AGBL1: variants seen among roughly 807,000 people sequenced by gnomAD.
AGBL1 encodes AGBL carboxypeptidase 1, also known as cytosolic carboxypeptidase 4.
A neutral mutation model predicts 118.9 loss-of-function variants in AGBL1; 130 were observed. The observed-to-expected ratio is 1.09, with a 90% CI of 0.95 to 1.26. AGBL1 has a LOEUF of 1.26. AGBL1 is among the 50% of genes most tolerant of loss of function. The pLI, the probability that AGBL1 is intolerant of heterozygous loss-of-function variation, is 0.00. For missense variants in AGBL1, 1,584 were observed against 1,298.1 expected (o/e 1.22, Z -3.38); for synonymous variants, 555 against 478.9 (o/e 1.16, Z -2.08).
chr15:86,169,152 T>C (rs2077381008), intron 5 of AGBL1, among the ~76,000 whole-genome samples: 2 of 152,048 alleles, frequency 1.3e-5, no homozygotes, highest in Non-Finnish European at 2.9e-5. Context: ...AAAGAAACAG[T>C]TGGGAGACAG....
intron 23 of AGBL1, among the ~76,000 whole-genome samples, chr15:86,952,850 T>G (rs1357192474): frequency 2.0e-5 from 3 of 152,186 alleles, no homozygotes; most frequent in African/African-American, 7.2e-5. Flanking sequence ...TTCAGTTAAT[T>G]TTTGTATATA....
chr15:86,473,437 A>G (rs1468054601), intron 18 of AGBL1, among the ~76,000 whole-genome samples: 1 of 152,236 alleles, frequency 6.6e-6, no homozygotes, highest in African/African-American at 2.4e-5. Flanking sequence ...GAAAAGCACA[A>G]AGAAGAAAAT....
chr15:86,470,164 GT>G (rs1320746455), intron 18 of AGBL1, among the ~76,000 whole-genome samples: 2 of 152,060 alleles, frequency 1.3e-5, no homozygotes, highest in Non-Finnish European at 2.9e-5. Context: ...ATGTTAATAA[GT>G]TTTTGCCTAT....
intron 22 of AGBL1, among the ~76,000 whole-genome samples, chr15:86,831,140 A>T (rs1252550165): frequency 6.6e-6 from 1 of 152,034 alleles, no homozygotes; most frequent in Admixed American, 6.6e-5. Flanking sequence ...CATGGGAAAA[A>T]CCTGCCCGCA....
At chr15:86,233,702 G>A (rs916465041) in intron 6 of AGBL1, among the ~76,000 whole-genome samples, 1 of 152,202 alleles carries the variant, frequency 6.6e-6, no homozygotes, top group Non-Finnish European at 1.5e-5. Flanking sequence ...ACTATGCAGT[G>A]GCAAGAAGGA....
At chr15:86,967,757 C>T (rs754131146) in intron 23 of AGBL1, among the ~76,000 whole-genome samples, 30 of 152,018 alleles carry the variant, frequency 2.0e-4, no homozygotes, top group Non-Finnish European at 4.0e-4. Flanking sequence ...AGTTACGTAG[C>T]ATGATGCCTC....
chr15:86,918,614 T>C (rs1341037964), downstream of AGBL1, among the ~76,000 whole-genome samples: 2 of 152,126 alleles, frequency 1.3e-5, no homozygotes, highest in South Asian at 2.1e-4. Context: ...GCCTGTTTTC[T>C]CCCCCACGTA....
intron 1 of AGBL1, among the ~76,000 whole-genome samples, chr15:86,120,027 C>A (rs1897999702): frequency 1.3e-5 from 2 of 152,156 alleles, no homozygotes; most frequent in African/African-American, 4.8e-5. Context: ...TCTACTCATT[C>A]ATTCAAGTAC....
At chr15:86,232,219 G>A (rs963968462) in intron 6 of AGBL1, among the ~76,000 whole-genome samples, 2 of 152,182 alleles carry the variant, frequency 1.3e-5, no homozygotes, top group Non-Finnish European at 2.9e-5. Context: ...TTAAGCTAAA[G>A]GGATACTACC....
chr15:86,395,891 T>A (rs2141988082), intron 17 of AGBL1, among the ~76,000 whole-genome samples: 1 of 152,158 alleles, frequency 6.6e-6, no homozygotes, highest in Middle Eastern at 3.4e-3. Flanking sequence ...TCAAAAGATA[T>A]TCAATTTTTT....
chr15:86,369,356 G>A (rs56903278), intron 17 of AGBL1, among the ~76,000 whole-genome samples: 37,073 of 152,052 alleles, frequency 0.24, 5,313 homozygotes, highest in East Asian at 0.65. Context: ...CAGATGCATT[G>A]TAAATACATA....
At chr15:86,219,748 C>G (rs768822955) in intron 5 of AGBL1, among the ~76,000 whole-genome samples, 8 of 152,218 alleles carry the variant, frequency 5.3e-5, no homozygotes, top group Non-Finnish European at 1.0e-4. Flanking sequence ...GCCTCATTGG[C>G]TCTGTGATGT....
At chr15:86,715,794 C>T (rs931221044) in intron 22 of AGBL1, among the ~76,000 whole-genome samples, 1 of 152,132 alleles carries the variant, frequency 6.6e-6, no homozygotes, top group Non-Finnish European at 1.5e-5. Context: ...TGCGGTGGCT[C>T]ACACCTGTAA....
chr15:86,094,523 G>A (rs1465868769), intron 1 of AGBL1, among the ~76,000 whole-genome samples: 1 of 152,056 alleles, frequency 6.6e-6, no homozygotes, highest in Admixed American at 6.6e-5. Context: ...CTACATGTGG[G>A]ATCATGAAGG....
chr15:86,675,656 G>A (rs1347602927), intron 22 of AGBL1, among the ~76,000 whole-genome samples: 1 of 152,128 alleles, frequency 6.6e-6, no homozygotes, highest in African/African-American at 2.4e-5. Flanking sequence ...GGTGTTTTCA[G>A]ACTCTCCCTC....
chr15:86,743,397 C>T (rs2077708036), intron 22 of AGBL1, among the ~76,000 whole-genome samples: 1 of 152,148 alleles, frequency 6.6e-6, no homozygotes, highest in Non-Finnish European at 1.5e-5. Flanking sequence ...AAATCCACTT[C>T]ATCCTATTTT....
chr15:86,090,262 C>G (rs1895934232), intron 1 of AGBL1, among the ~76,000 whole-genome samples: 1 of 152,140 alleles, frequency 6.6e-6, no homozygotes, highest in Non-Finnish European at 1.5e-5. Context: ...TTTACCTGTC[C>G]TTTCTCCACT....
At chr15:86,271,589 A>G in intron 14 of AGBL1, 30 bp from the exon 15 acceptor site, 1 of 1,549,496 alleles carries the variant, frequency 6.5e-7, no homozygotes, top group Non-Finnish European at 8.9e-7. Context: ...TCTTTCCCTC[A>G]TGGATTAATT....
In AGBL1 at chr15:86,175,423, C is replaced by T. The variant is rs142700579; in HGVS notation, c.488+16397C>T. Among the ~76,000 whole-genome samples, 453 of 151,964 alleles carry T rather than the reference C, an allele frequency of 3.0e-3. 1 individual carries two copies. The highest frequency in any genetic ancestry group is 6.8e-3 in the Middle Eastern group (2 of 294). ...TCTCTCTTTTTTGTTAGTCAGTTAGCAGTTTATTGATTTTATTTATTTTTT... is the reference window on the plus strand; with the variant it reads ...TCTCTCTTTTTTGTTAGTCAGTTAGTAGTTTATTGATTTTATTTATTTTTT... On this transcript the variant is annotated intron_variant, in intron 5 of 22. Transcript: ENST00000614907.
Sources: gnomAD v4.1 joint callset for allele counts (sites outside exome capture counted in the v4.1 genomes callset) on GRCh38, gnomAD v4.1.1 for gene constraint, MANE v1.5 for transcripts, NCBI Gene and HGNC (gene_info 2026-07-23, HGNC 2026-07-21) for gene names.